KIAA0753: variants seen among roughly 807,000 people sequenced by gnomAD.
KIAA0753 encodes protein moonraker.
Under a neutral mutation model 116.9 loss-of-function variants are expected in KIAA0753, and 114 were observed. That is an observed-to-expected ratio of 0.98 (90% CI 0.84 to 1.14). The LOEUF is 1.14. KIAA0753 is among the 50% of genes most tolerant of loss of function. KIAA0753 has a pLI of 0.00. For missense variants in KIAA0753, 1,156 were observed against 1,172.4 expected, an observed-to-expected ratio of 0.99 and a Z score of 0.20; for synonymous variants, 405 against 413.1, an observed-to-expected ratio of 0.98 and a Z score of 0.24.
intron 14 of KIAA0753, among the ~76,000 whole-genome samples, chr17:6,598,622 C>A (rs1304245516): frequency 6.6e-6 from 1 of 152,232 alleles, no homozygotes; most frequent in Non-Finnish European, 1.5e-5. Context: ...ATGGATGCAA[C>A]TTGCACCTTC....
At chr17:6,637,244 C>G (rs1014053340) in intron 1 of KIAA0753, 1 of 152,636 alleles carries the variant, frequency 6.6e-6, no homozygotes, top group Non-Finnish European at 1.5e-5. Flanking sequence ...GCCATGGGAG[C>G]TCCTACAGCT....
chr17:6,583,518 C>T (rs968867280), intron 18 of KIAA0753, among the ~76,000 whole-genome samples: 1 of 151,984 alleles, frequency 6.6e-6, no homozygotes, highest in African/African-American at 2.4e-5. Flanking sequence ...TGTCCCTTTC[C>T]CTCTCTTCTT....
At chr17:6,585,866 G>A (rs1195651704) in intron 18 of KIAA0753, among the ~76,000 whole-genome samples, 1 of 152,000 alleles carries the variant, frequency 6.6e-6, no homozygotes, top group Non-Finnish European at 1.5e-5. Context: ...TCAAATATCT[G>A]GTCATCTCAG....
intron 4 of KIAA0753, chr17:6,623,854 C>T: frequency 7.0e-6 from 2 of 286,508 alleles, no homozygotes; most frequent in Admixed American, 5.2e-5. Context: ...GAAATGTAGG[C>T]GGGCCGGATC....
chr17:6,597,590 A>T (rs906457027), intron 14 of KIAA0753, among the ~76,000 whole-genome samples: 1 of 152,248 alleles, frequency 6.6e-6, no homozygotes, highest in South Asian at 2.1e-4. Flanking sequence ...ATGTGTATGT[A>T]TAACTTTTAA....
Position 6,620,800 on chromosome 17 carries a change from G to T in KIAA0753, c.1303C>A (p.Gln435Lys), listed in dbSNP as rs377033831. 283 of 1,613,954 alleles carry T rather than the reference G, an allele frequency of 1.8e-4. No individual in the cohort carries two copies. The highest frequency in any genetic ancestry group is 2.3e-4 in the Non-Finnish European group (268 of 1,179,946). ...TTAAGACACATACCGGCAAGAAGCT[G>T]CTTTGCTACAGAAGGTCGACTTGTT... ...QETSRPSVAKQLLADKYQPDT... is the reference protein window; with the variant it reads ...QETSRPSVAKKLLADKYQPDT... Residue 435 changes from glutamine (Q) to lysine (K), a missense_variant, in exon 7 of 19, where the codon CAG (glutamine) becomes AAG (lysine). By Grantham distance (53) the Gln-to-Lys change is moderately conservative. Coordinates refer to ENST00000361413, the MANE Select transcript of KIAA0753 (RefSeq NM_014804.3).
Position 6,579,908 on chromosome 17 carries a change from C to T in KIAA0753, c.2787-44G>A, listed in dbSNP as rs185407199. 464 of 1,449,904 alleles carry T rather than the reference C, an allele frequency of 3.2e-4. 2 individuals carry two copies. Among genetic ancestry groups the T allele is most frequent in the Middle Eastern group, 3.0e-3 (17 of 5,710 alleles). The allele number at this position is 1,449,904 out of a possible 1,614,324, so 89.8% of individuals were successfully genotyped here. ...AACTAAAGGTATGTACAAGGCCAGG[C>T]GCGGTGGCTCACACCTGTCATCCCA... On this transcript the variant is annotated intron_variant, in intron 18 of 18. Transcript: ENST00000361413.
At chr17:6,618,279 G>C (rs1971068812) in intron 7 of KIAA0753, among the ~76,000 whole-genome samples, 1 of 152,152 alleles carries the variant, frequency 6.6e-6, no homozygotes, top group Non-Finnish European at 1.5e-5. Context: ...TTGTTCATCT[G>C]TATCTTCTAT....
At chr17:6,615,684 T>C (rs1970876778) in intron 7 of KIAA0753, among the ~76,000 whole-genome samples, 1 of 146,484 alleles carries the variant, frequency 6.8e-6, no homozygotes, top group Non-Finnish European at 1.5e-5. Flanking sequence ...CCCAAGCTTA[T>C]ATACATCAAA....
chr17:6,591,950 C>A (rs181429566), intron 16 of KIAA0753, among the ~76,000 whole-genome samples: 1 of 152,334 alleles, frequency 6.6e-6, no homozygotes, highest in East Asian at 1.9e-4. Context: ...AGATGAGACA[C>A]CTTCACAAAT....
intron 3 of KIAA0753, among the ~76,000 whole-genome samples, chr17:6,626,914 C>T (rs754857505): frequency 6.6e-6 from 1 of 152,144 alleles, no homozygotes; most frequent in African/African-American, 2.4e-5. Context: ...GCTTTGTTCC[C>T]CTGGTCGCAG....
At chr17:6,632,264 T>C (rs1972061937) in intron 2 of KIAA0753, among the ~76,000 whole-genome samples, 1 of 152,174 alleles carries the variant, frequency 6.6e-6, no homozygotes, top group Non-Finnish European at 1.5e-5. Flanking sequence ...AAAGAGACAC[T>C]GGGGCCAACT....
chr17:6,626,025 G>A (rs1281669931), intron 3 of KIAA0753, among the ~76,000 whole-genome samples: 1 of 152,210 alleles, frequency 6.6e-6, no homozygotes, highest in Admixed American at 6.5e-5. Flanking sequence ...CAAAAGACAA[G>A]TCTTTTCTCT....
intron 16 of KIAA0753, among the ~76,000 whole-genome samples, chr17:6,591,040 G>GGAAGAAGAAGAAGAA (rs71157205): frequency 2.1e-4 from 21 of 99,988 alleles, no homozygotes; most frequent in East Asian, 3.2e-4. Flanking sequence ...GAAGGAAGAA[G>GGAAGAAGAAGAAGAA]GAAGAAGAAG....
Position 6,608,745 on chromosome 17 carries a change from C to G in KIAA0753, c.1713-281G>C, listed in dbSNP as rs148135006. ...ATATTGGGTGAGTGTCAACAAAACT[C>G]TGTCACAATACATAGATTTGGATCA... On this transcript the variant is annotated intron_variant, in intron 9 of 18. Transcript: ENST00000361413. Among the ~76,000 whole-genome samples, 79 of 152,298 alleles carry G rather than the reference C, an allele frequency of 5.2e-4. 1 individual carries two copies. In the East Asian group the frequency reaches 0.013, roughly 25 times the overall value.
intron 3 of KIAA0753, among the ~76,000 whole-genome samples, chr17:6,625,503 C>T (rs950265860): frequency 6.6e-6 from 1 of 151,870 alleles, no homozygotes; most frequent in African/African-American, 2.4e-5. Context: ...CCTGTCTCTA[C>T]TAAAAATACA....
chr17:6,623,769 G>C, intron 4 of KIAA0753, 198 bp from the exon 5 acceptor site: 1 of 600,982 alleles, frequency 1.7e-6, no homozygotes, highest in Non-Finnish European at 2.6e-6. Context: ...TGAATAGGCA[G>C]TGTTCACCTT....
At chr17:6,618,703 C>A (rs974583774) in intron 7 of KIAA0753, among the ~76,000 whole-genome samples, 4 of 152,054 alleles carry the variant, frequency 2.6e-5, no homozygotes, top group Admixed American at 6.5e-5. Context: ...TATTAAGGTT[C>A]CACAGAATAG....
At chr17:6,591,828 G>A (rs1369233319) in intron 16 of KIAA0753, among the ~76,000 whole-genome samples, 3 of 152,254 alleles carry the variant, frequency 2.0e-5, no homozygotes, top group Non-Finnish European at 4.4e-5. Flanking sequence ...CCCAAGGGCT[G>A]ACTAAACAAT....
Sources: gnomAD v4.1 joint callset for allele counts (sites outside exome capture counted in the v4.1 genomes callset) on GRCh38, gnomAD v4.1.1 for gene constraint, MANE v1.5 for transcripts, NCBI Gene and HGNC (gene_info 2026-07-23, HGNC 2026-07-21) for gene names.